SNX14: variants seen among roughly 807,000 people sequenced by gnomAD.
The protein encoded by SNX14 is sorting nexin-14.
SNX14 carries 93 observed loss-of-function variants against 133.8 expected under a neutral mutation model. The ratio of observed to expected loss-of-function variants is 0.70; its 90% CI spans 0.59 to 0.83. The LOEUF is 0.83. Ranked by LOEUF, SNX14 falls within the 40% of genes least tolerant of loss-of-function variation. The pLI is 0.00. For synonymous variants in SNX14, 368 were observed against 365.6 expected, an observed-to-expected ratio of 1.01 and a Z score of -0.07; for missense variants, 945 against 1,094.9, an observed-to-expected ratio of 0.86 and a Z score of 1.93.
intron 24 of SNX14, 81 bp from the exon 25 acceptor site, chr6:85,514,315 T>C: frequency 6.6e-7 from 1 of 1,521,516 alleles, no homozygotes; most frequent in South Asian, 1.3e-5. Context: ...AAAACACAAA[T>C]GACCATGGTC....
chr6:85,574,670 T>C (rs753232667), intron 1 of SNX14, among the ~76,000 whole-genome samples: 1 of 152,234 alleles, frequency 6.6e-6, no homozygotes, highest in Non-Finnish European at 1.5e-5. Flanking sequence ...TCTGATGATA[T>C]TGTAGTATTC....
At position 85,533,690 on chromosome 6, in the gene SNX14, G is replaced by A. The variant is rs529370696; in HGVS notation, c.1719C>T (p.Asp573=). 2 of 1,613,844 alleles carry A rather than the reference G, an allele frequency of 1.2e-6. No individual in the cohort carries two copies. Among genetic ancestry groups the A allele is most frequent in the African/African-American group, 2.7e-5 (2 of 74,986 alleles). ...TTTCAGAGGAGGGATCCTCAAAAAA[G>A]TCTACATATGGAATGCTAATTTTCC... The part of the protein sequence containing the change: ...AAWKISIPYV[D]FFEDPSSERK... The change falls in exon 18 of 29, where the codon GAC becomes GAT. Residue 573 remains aspartate (D), a synonymous_variant. Transcript: ENST00000314673.
intron 1 of SNX14, among the ~76,000 whole-genome samples, chr6:85,585,195 T>C (rs766118512): frequency 2.6e-5 from 4 of 151,230 alleles, no homozygotes; most frequent in Non-Finnish European, 2.9e-5. Context: ...TGAGAACACA[T>C]AGACACAGGG....
intron 6 of SNX14, among the ~76,000 whole-genome samples, chr6:85,564,114 T>C (rs1792893125): frequency 6.6e-6 from 1 of 152,248 alleles, no homozygotes; most frequent in Non-Finnish European, 1.5e-5. Flanking sequence ...TCCTTTTTTA[T>C]GGCTGCATAG....
Position 85,574,270 on chromosome 6 carries a change from T to C in SNX14, c.249A>G (p.Lys83=). 3 of 1,586,024 alleles carry C rather than the reference T, an allele frequency of 1.9e-6. No homozygotes were observed. The highest frequency in any genetic ancestry group is 2.6e-6 in the Non-Finnish European group (3 of 1,160,794). The part of the protein sequence containing the change: ...SLLPNIFFTI[K]YKPKQLGLQE... ...CACATAATTTTACCTTGGGTTTGTA[T>C]TTTATTGTGAAGAATATATTTGGTA... Residue 83 remains lysine (K), a synonymous_variant, in exon 2 of 29, where the codon AAA becomes AAG. Coordinates refer to ENST00000314673, the MANE Select transcript of SNX14 (RefSeq NM_153816.6).
intron 21 of SNX14, among the ~76,000 whole-genome samples, chr6:85,519,283 A>C (rs1278695558): frequency 6.6e-6 from 1 of 152,232 alleles, no homozygotes; most frequent in African/African-American, 2.4e-5. Context: ...GTCTACTTGC[A>C]TTATTTAACT....
At position 85,514,205 on chromosome 6, in the gene SNX14, G is replaced by T; in HGVS notation, c.2422C>A (p.Leu808Ile). 6.2e-7 allele frequency: 1 copy of T among 1,613,480 alleles called. No homozygotes were observed. Among genetic ancestry groups the T allele is most frequent in the Non-Finnish European group, 8.5e-7 (1 of 1,179,792 alleles). The change falls in exon 25 of 29, where the codon CTT becomes ATT. Residue 808 changes from leucine to isoleucine, a missense_variant. Around this residue, in one of 3 missense-constraint regions of SNX14, gnomAD observed 412 missense variants for 516.6 expected, o/e 0.80. Coordinates refer to ENST00000314673, the MANE Select transcript of SNX14 (RefSeq NM_153816.6). The part of the protein sequence containing the change: ...GRVVFQVPDW[L>I]HHLLMGTRIL... The stretch of plus-strand genomic sequence containing the variant: ...CGAGTTCCCATTAAGAGATGATGAA[G>T]CCAGTCAGGAACCTGGAAAACTACC...
intron 6 of SNX14, 30 bp from the exon 7 acceptor site, chr6:85,558,090 A>C: frequency 8.9e-7 from 1 of 1,117,570 alleles, no homozygotes; most frequent in Non-Finnish European, 1.3e-6. Context: ...AAACTTTTAA[A>C]ATAATTATCA....
intron 1 of SNX14, 144 bp from the exon 2 acceptor site, chr6:85,574,522 T>C (rs968806581): frequency 7.3e-6 from 4 of 546,254 alleles, no homozygotes; most frequent in East Asian, 6.0e-5. Context: ...TTTTTTGTAA[T>C]GTATTAAATA....
In SNX14 at chr6:85,575,700, CAGACAAAGGT is replaced by C. The variant is rs1797103390; in HGVS notation, c.141-1332_141-1323del. Among the ~76,000 whole-genome samples the C allele has an allele frequency of 2.0e-5, 3 of 152,138 alleles. No individual in the cohort carries two copies. In the South Asian group the frequency reaches 6.2e-4, roughly 31 times the overall value. ...TGCTGTTCAACAGATTCTATGCAGC[CAGACAAAGGT>C]AGTGAACTTTTTGACAACAATGAGA... On this transcript the variant is annotated intron_variant, in intron 1 of 28. Transcript: ENST00000314673.
At chr6:85,588,273 G>A (rs1801614540) in intron 1 of SNX14, among the ~76,000 whole-genome samples, 1 of 151,156 alleles carries the variant, frequency 6.6e-6, no homozygotes, top group African/African-American at 2.4e-5. Flanking sequence ...GACTGAGACT[G>A]TCTCAAAAAA....
chr6:85,525,825 G>C (rs138608611), intron 21 of SNX14, among the ~76,000 whole-genome samples: 19 of 152,154 alleles, frequency 1.2e-4, no homozygotes, highest in African/African-American at 4.6e-4. Flanking sequence ...TGAAAACACT[G>C]ATTCGCATAT....
chr6:85,559,095 T>C (rs1242666336), intron 6 of SNX14, among the ~76,000 whole-genome samples: 1 of 152,150 alleles, frequency 6.6e-6, no homozygotes, highest in African/African-American at 2.4e-5. Flanking sequence ...ATTTTTCAAT[T>C]CTTTTTAAAT....
At chr6:85,547,571 T>G in intron 9 of SNX14, 21 bp from the exon 10 acceptor site, 1 of 1,556,638 alleles carries the variant, frequency 6.4e-7, no homozygotes, top group Non-Finnish European at 8.7e-7. Context: ...ATAATAAACA[T>G]AAGTCAAAAT....
chr6:85,506,500 T>A (rs1770742749), intron 28 of SNX14, among the ~76,000 whole-genome samples: 1 of 152,128 alleles, frequency 6.6e-6, no homozygotes, highest in Admixed American at 6.5e-5. Context: ...CTATTTTTAG[T>A]AGAGACAGGG....
chr6:85,593,274 C>G (rs1003589000), intron 1 of SNX14, among the ~76,000 whole-genome samples: 2 of 152,122 alleles, frequency 1.3e-5, no homozygotes, highest in African/African-American at 4.8e-5. Context: ...CAATTTGAGC[C>G]GACACACGGA....
rs181580212 is a variant in SNX14 at position 85,575,673 on chromosome 6, G to C, written c.141-1295C>G. Reference sequence around the variant, plus strand: ...AGCTGACTGTGGGAATGATGACAATGCTGCTGTTCAACAGATTCTATGCAG... The same window carrying C: ...AGCTGACTGTGGGAATGATGACAATCCTGCTGTTCAACAGATTCTATGCAG... On this transcript the variant is annotated intron_variant, in intron 1 of 28. Transcript: ENST00000314673. Among the ~76,000 whole-genome samples the C allele has an allele frequency of 8.5e-5, 13 of 152,340 alleles. No individual in the cohort carries two copies. In the East Asian group the frequency reaches 2.3e-3, roughly 27 times the overall value.
chr6:85,556,686 C>G (rs1032006047), intron 7 of SNX14, among the ~76,000 whole-genome samples: 1 of 152,012 alleles, frequency 6.6e-6, no homozygotes, highest in African/African-American at 2.4e-5. Flanking sequence ...CTCCTGACCT[C>G]AAGTGAGCTG....
chr6:85,547,496 C>A lies in SNX14; in HGVS notation c.912+10G>T, dbSNP rs1252351652. On this transcript the variant is annotated intron_variant, in intron 10 of 28. Coordinates refer to ENST00000314673, the MANE Select transcript of SNX14 (RefSeq NM_153816.6). ...AATCTGAAGTGTTTTCTAATATATT[C>A]AATACTCACTGGACTGTCATCTATG... 1 of 1,605,690 alleles carries A rather than the reference C, an allele frequency of 6.2e-7. No individual in the cohort carries two copies. The highest frequency in any genetic ancestry group is 1.3e-5 in the African/African-American group (1 of 74,398).
Sources: allele counts gnomAD v4.1 joint callset (sites outside exome capture counted in the v4.1 genomes callset), GRCh38; gene constraint gnomAD v4.1.1; regional missense constraint gnomAD v4.1.1; transcripts MANE v1.5; gene names NCBI Gene and HGNC (gene_info 2026-07-23, HGNC 2026-07-21).